PPP1R1C: variants seen among roughly 807,000 people sequenced by gnomAD.
PPP1R1C encodes protein phosphatase 1 regulatory subunit 1C.
A neutral mutation model predicts 17.4 loss-of-function variants in PPP1R1C; 15 were observed. The observed-to-expected ratio is 0.86, with a 90% CI of 0.58 to 1.33. The LOEUF (loss-of-function observed/expected upper bound fraction) is 1.33, where lower values mean the gene tolerates loss of function less well. Among genes scored for constraint, PPP1R1C ranks in the 40% most tolerant of loss-of-function variants. The pLI, the probability that PPP1R1C is intolerant of heterozygous loss-of-function variation, is 0.00. For synonymous variants in PPP1R1C, 35 were observed against 43.1 expected (o/e 0.81, Z 0.73); for missense variants, 143 against 130.0 (o/e 1.10, Z -0.48).
At chr2:181,998,670 A>G (rs1685681032) in intron 2 of PPP1R1C, among the ~76,000 whole-genome samples, 1 of 152,242 alleles carries the variant, frequency 6.6e-6, no homozygotes, top group South Asian at 2.1e-4. Flanking sequence ...TGGAGGGCTC[A>G]TAAAGCAGAA....
Position 181,962,110 on chromosome 2 carries a change from G to A in PPP1R1C, n.111+7476G>A. On this transcript the variant is annotated intron_variant and non_coding_transcript_variant, in intron 1 of 5. Transcript: ENST00000464264. This position sits in a 1 kb window ranked among gnomAD's most constrained non-coding sequence, Gnocchi z 6.0. ...TCTTGAGGTAATGACTCCAGTCTCT[G>A]ACCTGGAGTCCCTTCTTCTCCAGGT... The A allele has an allele frequency of 1.4e-6, 1 of 723,088 alleles. No homozygotes were observed. The allele number at this position is 723,088 out of a possible 1,614,324, so 44.8% of individuals were successfully genotyped here. A position where few individuals can be genotyped will look rare whatever the true frequency, so the allele number is the denominator to read the frequency against.
chr2:182,108,483 A>G (rs188759798), intron 4 of PPP1R1C, among the ~76,000 whole-genome samples: 9 of 152,080 alleles, frequency 5.9e-5, no homozygotes, highest in African/African-American at 1.7e-4. Flanking sequence ...CAACTGTTTA[A>G]CGGTTTTAAA....
At chr2:182,059,997 C>G (rs1309173154) in intron 2 of PPP1R1C, among the ~76,000 whole-genome samples, 1 of 152,052 alleles carries the variant, frequency 6.6e-6, no homozygotes, top group Non-Finnish European at 1.5e-5. Context: ...TACAGTGGAT[C>G]ATATTTGATA....
chr2:182,068,608 G>T (rs1574425363), intron 4 of PPP1R1C, among the ~76,000 whole-genome samples: 1 of 152,170 alleles, frequency 6.6e-6, no homozygotes, highest in Non-Finnish European at 1.5e-5. Context: ...AACAAATGTG[G>T]CTTTTCCCTC....
downstream of PPP1R1C, among the ~76,000 whole-genome samples, chr2:182,122,562 G>A (rs1031764365): frequency 1.3e-5 from 2 of 151,762 alleles, no homozygotes; most frequent in Non-Finnish European, 2.9e-5. Flanking sequence ...TTGTTTTTTT[G>A]AGGAAATGAT....
chr2:182,119,612 A>G (rs1689681820), downstream of PPP1R1C, among the ~76,000 whole-genome samples: 1 of 152,088 alleles, frequency 6.6e-6, no homozygotes, highest in Admixed American at 6.6e-5. Context: ...CTGGTGTGAG[A>G]TGGTATCTCA....
At chr2:181,964,625 G>A (rs1684874294) in intron 1 of PPP1R1C, among the ~76,000 whole-genome samples, 2 of 152,046 alleles carry the variant, frequency 1.3e-5, no homozygotes, top group Non-Finnish European at 2.9e-5. Context: ...TCTTCAATAG[G>A]ATTTGTTATT....
In PPP1R1C at chr2:182,002,936, C is replaced by G. The variant is rs181830916; in HGVS notation, c.142+15037C>G. Reference sequence around the variant, plus strand: ...AAGAGTGATGCCATAAACCTCCCCCCCCCCACAACCCTGAAATCCCCCAGA... The same window carrying G: ...AAGAGTGATGCCATAAACCTCCCCCGCCCCACAACCCTGAAATCCCCCAGA... On this transcript the variant is annotated intron_variant, in intron 2 of 4. Transcript: ENST00000682840. Among the ~76,000 whole-genome samples the G allele has an allele frequency of 1.1e-3, 148 of 135,628 alleles. 3 individuals carry two copies. Among genetic ancestry groups the G allele is most frequent in the African/African-American group, 3.7e-3 (126 of 34,116 alleles). The allele number at this position is 135,628 out of a possible 152,430, so 89.0% of individuals were successfully genotyped here.
intron 4 of PPP1R1C, among the ~76,000 whole-genome samples, chr2:182,079,968 T>C (rs547216016): frequency 6.6e-6 from 1 of 152,320 alleles, no homozygotes; most frequent in South Asian, 2.1e-4. Context: ...TCGAGCCTCA[T>C]TTTAATTACA....
intron 4 of PPP1R1C, among the ~76,000 whole-genome samples, chr2:182,092,692 A>T (rs1688817129): frequency 6.6e-6 from 1 of 152,214 alleles, no homozygotes; most frequent in Non-Finnish European, 1.5e-5. Flanking sequence ...CAAAGGTGCT[A>T]CAGGCCCAAT....
chr2:182,097,896 C>A (rs1486060933), intron 4 of PPP1R1C, among the ~76,000 whole-genome samples: 1 of 152,134 alleles, frequency 6.6e-6, no homozygotes, highest in Non-Finnish European at 1.5e-5. Context: ...TACTCCAAGG[C>A]AAACTCTTCT....
At chr2:182,031,055 C>A in intron 2 of PPP1R1C, 1 of 153,986 alleles carries the variant, frequency 6.5e-6, no homozygotes, top group Non-Finnish European at 1.4e-5. Flanking sequence ...GAGGCAATGC[C>A]TCACCCTGCT....
At chr2:181,979,006 G>A (rs2125136298) in intron 2 of PPP1R1C, among the ~76,000 whole-genome samples, 1 of 152,094 alleles carries the variant, frequency 6.6e-6, no homozygotes, top group South Asian at 2.1e-4. Flanking sequence ...TCACAATTAT[G>A]CCATGTGCTG....
intron 2 of PPP1R1C, among the ~76,000 whole-genome samples, chr2:182,035,486 C>T (rs1686976690): frequency 6.6e-6 from 1 of 151,922 alleles, no homozygotes; most frequent in African/African-American, 2.4e-5. Flanking sequence ...TCTCTGTGTC[C>T]CCACCCAAAT....
chr2:182,054,538 A>G (rs998878048), intron 2 of PPP1R1C, among the ~76,000 whole-genome samples: 1 of 152,110 alleles, frequency 6.6e-6, no homozygotes, highest in African/African-American at 2.4e-5. Context: ...ATATGAATTG[A>G]ATTACACAGT....
chr2:181,985,398 C>A (rs778392442), upstream of PPP1R1C, among the ~76,000 whole-genome samples: 1 of 152,194 alleles, frequency 6.6e-6, no homozygotes, highest in Non-Finnish European at 1.5e-5. The surrounding 1 kb of genome is among the most constrained non-coding windows in gnomAD (Gnocchi z 4.1). Flanking sequence ...GAACTAAGAT[C>A]TGCTCAGCCC....
chr2:182,071,861 C>A (rs781701297), intron 4 of PPP1R1C, among the ~76,000 whole-genome samples: 1 of 152,102 alleles, frequency 6.6e-6, no homozygotes, highest in Non-Finnish European at 1.5e-5. Flanking sequence ...TGACATATTC[C>A]ATTAATGTCA....
rs1684811897 is a variant in PPP1R1C, at chr2:181,962,261, C to G, written n.111+7627C>G. On this transcript the variant is annotated intron_variant and non_coding_transcript_variant, in intron 1 of 5. Transcript: ENST00000464264. This position sits in a 1 kb window ranked among gnomAD's most constrained non-coding sequence, Gnocchi z 6.0. ...CTTCTTATTCTGGATGCCTCCCATT[C>G]CTGCCAGACCCCCGGCCATCCCCGC... The G allele has an allele frequency of 2.7e-6, 2 of 735,042 alleles. No individual in the cohort carries two copies. The highest frequency in any genetic ancestry group is 1.9e-5 in the Admixed American group (1 of 51,952). The allele number at this position is 735,042 out of a possible 1,614,324, so 45.5% of individuals were successfully genotyped here. A position where few individuals can be genotyped will look rare whatever the true frequency, so the allele number is the denominator to read the frequency against.
chr2:181,973,092 A>G (rs557562792), intron 1 of PPP1R1C, among the ~76,000 whole-genome samples: 87 of 152,282 alleles, frequency 5.7e-4, no homozygotes, highest in Admixed American at 3.3e-4. Flanking sequence ...GGCACTGGTG[A>G]TCCCCAAAAC....
Sources: allele counts gnomAD v4.1 joint callset (sites outside exome capture counted in the v4.1 genomes callset), GRCh38; gene constraint gnomAD v4.1.1; non-coding constraint Gnocchi (gnomAD v3.1); transcripts MANE v1.5; gene names NCBI Gene and HGNC (gene_info 2026-07-23, HGNC 2026-07-21).